Variants in NR2F1-AS1 observed in about 807,000 individuals in gnomAD.
NR2F1-AS1 encodes the protein NR2F1 regulatory antisense RNA 1.
In NR2F1-AS1 at chr5:93,579,825, C is replaced by G. The variant is rs766991501; in HGVS notation, n.313+642G>C. On this transcript the variant is annotated intron_variant and non_coding_transcript_variant, in intron 1 of 5. Coordinates refer to ENST00000660523, the Ensembl canonical transcript of NR2F1-AS1. This position sits in a 1 kb window ranked among gnomAD's most constrained non-coding sequence, Gnocchi z 5.1. ...CTGGCTCGGCTGCTAGGCTGCGAAT[C>G]CCGGTGCTCTCTCGCCGCCGCCGCA... 5.9e-4 allele frequency among the ~76,000 whole-genome samples: 90 copies of G among 152,330 alleles called. No homozygotes were observed. Among genetic ancestry groups the G allele is most frequent in the Non-Finnish European group, 1.3e-4 (9 of 68,024 alleles).
chr5:93,585,249 G>A (rs776195820), upstream of NR2F1-AS1: 1 of 1,569,978 alleles, frequency 6.4e-7, no homozygotes. Flanking sequence ...GGGCCCGCCC[G>A]GTTCGGGCCA....
intron 4 of NR2F1-AS1, among the ~76,000 whole-genome samples, chr5:93,417,469 A>G (rs1748992093): frequency 6.6e-6 from 1 of 152,260 alleles, no homozygotes; most frequent in Non-Finnish European, 1.5e-5. Flanking sequence ...AAAACTGCCA[A>G]TACATAACAA....
At chr5:93,580,118 T>A (rs1248273997) in intron 1 of NR2F1-AS1, among the ~76,000 whole-genome samples, 3 of 152,160 alleles carry the variant, frequency 2.0e-5, no homozygotes, top group African/African-American at 7.2e-5. Context: ...GTGTTAAACG[T>A]GCGGGTCCCC....
At chr5:93,484,926 T>A (rs942165078) in intron 4 of NR2F1-AS1, among the ~76,000 whole-genome samples, 14 of 152,146 alleles carry the variant, frequency 9.2e-5, no homozygotes, top group African/African-American at 3.1e-4. Context: ...ATCCTAAATA[T>A]ATATGCACCC....
intron 1 of NR2F1-AS1, among the ~76,000 whole-genome samples, chr5:93,567,368 T>C (rs193052765): frequency 1.3e-5 from 2 of 152,172 alleles, no homozygotes; most frequent in African/African-American, 4.8e-5. Context: ...TACAAATATT[T>C]GTAAAGCAAA....
At chr5:93,534,983 A>C (rs1032923970) in intron 4 of NR2F1-AS1, among the ~76,000 whole-genome samples, 23 of 152,228 alleles carry the variant, frequency 1.5e-4, no homozygotes, top group African/African-American at 5.5e-4. Context: ...ATTTTAAAAT[A>C]GGCATCTATA....
At position 93,565,523 on chromosome 5, in the gene NR2F1-AS1, G is replaced by A. The variant is rs1752597939; in HGVS notation, n.314-2060C>T. Among the ~76,000 whole-genome samples, 7 of 151,978 alleles carry A rather than the reference G, an allele frequency of 4.6e-5. No individual in the cohort carries two copies. The South Asian group carries it at 1.5e-3, about 32-fold the overall frequency. On this transcript the variant is annotated intron_variant and non_coding_transcript_variant, in intron 1 of 5. Coordinates refer to ENST00000660523, the Ensembl canonical transcript of NR2F1-AS1. ...TTTAGGATAATTATCTTTTCAAGAA[G>A]CCATAAAGAAATATATTCTGGAAGG...
intron 4 of NR2F1-AS1, among the ~76,000 whole-genome samples, chr5:93,464,977 C>A (rs1750194673): frequency 1.3e-5 from 2 of 152,360 alleles, no homozygotes; most frequent in African/African-American, 4.8e-5. Flanking sequence ...ATCTCCCATT[C>A]CTACAGTGGT....
intron 4 of NR2F1-AS1, among the ~76,000 whole-genome samples, chr5:93,427,909 A>G (rs1444697505): frequency 7.1e-6 from 1 of 141,600 alleles, no homozygotes; most frequent in Non-Finnish European, 1.5e-5. Flanking sequence ...TGTATGTGAA[A>G]GAGAGAGAAA....
chr5:93,464,706 A>C (rs920012091), intron 4 of NR2F1-AS1, among the ~76,000 whole-genome samples: 1 of 152,210 alleles, frequency 6.6e-6, no homozygotes, highest in African/African-American at 2.4e-5. Context: ...TTTTCTCCTG[A>C]AAACGGAAAC....
intron 2 of NR2F1-AS1, among the ~76,000 whole-genome samples, chr5:93,557,928 T>C (rs1752398001): frequency 6.6e-6 from 1 of 152,244 alleles, no homozygotes; most frequent in Non-Finnish European, 1.5e-5. Context: ...GTTCACAGCA[T>C]CTTTACCAGG....
At chr5:93,444,526 A>T (rs1313638721) in intron 4 of NR2F1-AS1, among the ~76,000 whole-genome samples, 5 of 152,232 alleles carry the variant, frequency 3.3e-5, no homozygotes, top group African/African-American at 1.2e-4. Flanking sequence ...TGCACCCAAC[A>T]GAGGAGCACC....
intron 4 of NR2F1-AS1, among the ~76,000 whole-genome samples, chr5:93,447,800 T>C (rs1021538190): frequency 5.3e-5 from 8 of 152,190 alleles, no homozygotes; most frequent in Non-Finnish European, 2.9e-5. Flanking sequence ...CCAACCCAAA[T>C]GTCCATCAAT....
At chr5:93,447,233 T>A (rs1160157313) in intron 4 of NR2F1-AS1, among the ~76,000 whole-genome samples, 1 of 151,958 alleles carries the variant, frequency 6.6e-6, no homozygotes, top group Non-Finnish European at 1.5e-5. Context: ...AGCTTCTGCA[T>A]AGCAAAAGAA....
At chr5:93,537,597 A>G (rs976270616) in intron 4 of NR2F1-AS1, among the ~76,000 whole-genome samples, 2 of 152,200 alleles carry the variant, frequency 1.3e-5, no homozygotes, top group African/African-American at 4.8e-5. Context: ...TATCAAAACC[A>G]CTATGAGATA....
chr5:93,481,657 C>T (rs1264658728), intron 4 of NR2F1-AS1, among the ~76,000 whole-genome samples: 2 of 151,972 alleles, frequency 1.3e-5, no homozygotes, highest in Admixed American at 6.6e-5. Context: ...ATAATTTAGG[C>T]CATAACACAA....
intron 4 of NR2F1-AS1, among the ~76,000 whole-genome samples, chr5:93,490,858 T>C (rs1046851780): frequency 1.4e-5 from 2 of 144,496 alleles, no homozygotes; most frequent in Admixed American, 1.4e-4. Context: ...GTGGTGGTGG[T>C]TGACTTGGTA....
At chr5:93,524,057 C>G (rs755418561) in intron 4 of NR2F1-AS1, among the ~76,000 whole-genome samples, 34 of 151,820 alleles carry the variant, frequency 2.2e-4, no homozygotes, top group Non-Finnish European at 4.4e-4. Flanking sequence ...ACAAACTCCC[C>G]CGAGCTGAAG....
intron 4 of NR2F1-AS1, among the ~76,000 whole-genome samples, chr5:93,470,125 T>C (rs1379470696): frequency 1.3e-5 from 2 of 151,990 alleles, no homozygotes; most frequent in Non-Finnish European, 2.9e-5. Context: ...CAGAAAACTT[T>C]TCTGCTTTTT....
Sources: gnomAD v4.1 joint callset for allele counts (sites outside exome capture counted in the v4.1 genomes callset) on GRCh38, gnomAD v4.1.1 for gene constraint, Gnocchi (gnomAD v3.1) non-coding constraint, MANE v1.5 for transcripts, NCBI Gene and HGNC (gene_info 2026-07-23, HGNC 2026-07-21) for gene names.